HROB: variants seen among roughly 807,000 people sequenced by gnomAD.
HROB encodes the protein homologous recombination factor with OB-fold.
Under a neutral mutation model 61.0 loss-of-function variants are expected in HROB, and 44 were observed. That is an observed-to-expected ratio of 0.72 (90% CI 0.57 to 0.93). HROB has a LOEUF of 0.93. Among genes scored for constraint, HROB ranks in the 40% least tolerant of loss-of-function variants. HROB has a pLI of 0.00. For missense variants in HROB, 716 were observed against 796.2 expected (o/e 0.90, Z 1.21); for synonymous variants, 301 against 310.4 (o/e 0.97, Z 0.32).
At chr17:44,150,109 C>T (rs2053753165) in intron 3 of HROB, among the ~76,000 whole-genome samples, 2 of 152,176 alleles carry the variant, frequency 1.3e-5, no homozygotes, top group Admixed American at 6.6e-5. Flanking sequence ...GAAAAGGAGA[C>T]AGCCCTGGTG....
chr17:44,143,168 C>T (rs1448361515), intron 1 of HROB, among the ~76,000 whole-genome samples: 1 of 152,056 alleles, frequency 6.6e-6, no homozygotes, highest in Non-Finnish European at 1.5e-5. Context: ...GAACTCCTGG[C>T]CTCAGGTGGT....
chr17:44,153,962 C>T (rs191747940), intron 5 of HROB, among the ~76,000 whole-genome samples: 146 of 152,168 alleles, frequency 9.6e-4, no homozygotes, highest in African/African-American at 3.3e-3. Flanking sequence ...GCTGGAGCAT[C>T]GCTTGAACCC....
intron 9 of HROB, among the ~76,000 whole-genome samples, chr17:44,161,374 C>T (rs2144144948): frequency 6.6e-6 from 1 of 152,238 alleles, no homozygotes; most frequent in Non-Finnish European, 1.5e-5. Flanking sequence ...TGTCCAAGTT[C>T]TCGGACATAA....
chr17:44,160,393 C>T (rs1014694092), intron 9 of HROB, among the ~76,000 whole-genome samples: 3 of 151,988 alleles, frequency 2.0e-5, no homozygotes, highest in African/African-American at 7.2e-5. Context: ...TGGTGAAACC[C>T]CGTCTCTACT....
chr17:44,150,003 AG>A (rs1181513306), intron 3 of HROB, among the ~76,000 whole-genome samples: 5 of 152,178 alleles, frequency 3.3e-5, no homozygotes, highest in Non-Finnish European at 7.3e-5. Flanking sequence ...GTGGGAAAGC[AG>A]GGAAGAGCAT....
At chr17:44,145,096 A>C in intron 1 of HROB, 107 bp from the exon 2 acceptor site, 1 of 1,279,586 alleles carries the variant, frequency 7.8e-7, no homozygotes, top group Non-Finnish European at 1.1e-6. Flanking sequence ...AACAAACAAA[A>C]AACAATATAC....
chr17:44,150,445 A>G (rs2053765964), intron 3 of HROB, among the ~76,000 whole-genome samples: 1 of 149,666 alleles, frequency 6.7e-6, no homozygotes, highest in Non-Finnish European at 1.5e-5. Flanking sequence ...GCAGGAGTGC[A>G]GTGGCACAAT....
intron 9 of HROB, among the ~76,000 whole-genome samples, chr17:44,158,413 G>C (rs574287375): frequency 6.6e-6 from 1 of 152,208 alleles, no homozygotes; most frequent in Non-Finnish European, 1.5e-5. Flanking sequence ...GGTTGGGCCA[G>C]CTGCTTCCTC....
intron 2 of HROB, 86 bp downstream of exon 2, chr17:44,145,339 C>G: frequency 6.7e-7 from 1 of 1,492,336 alleles, no homozygotes; most frequent in Admixed American, 1.8e-5. Flanking sequence ...TTAGCCTGTA[C>G]CAGCCTCCTT....
chr17:44,150,180 C>T (rs1291645678), intron 3 of HROB, among the ~76,000 whole-genome samples: 1 of 152,160 alleles, frequency 6.6e-6, no homozygotes, highest in African/African-American at 2.4e-5. Flanking sequence ...AGGATCTGGA[C>T]TGGTTGTGAT....
chr17:44,151,568 C>G (rs1442532687), intron 4 of HROB, among the ~76,000 whole-genome samples: 1 of 152,166 alleles, frequency 6.6e-6, no homozygotes, highest in Non-Finnish European at 1.5e-5. Flanking sequence ...CAGTCCATTT[C>G]AGATCCAAAG....
chr17:44,150,437 A>G (rs1380350138), intron 3 of HROB, among the ~76,000 whole-genome samples: 3 of 149,802 alleles, frequency 2.0e-5, no homozygotes, highest in African/African-American at 7.4e-5. Context: ...TCGTCCAGGC[A>G]GGAGTGCAGT....
chr17:44,148,487 G>A lies in HROB; in HGVS notation c.684G>A (p.Glu228=). 4.3e-6 allele frequency: 7 copies of A among 1,614,136 alleles called. No homozygotes were observed. Among genetic ancestry groups the A allele is most frequent in the Non-Finnish European group, 5.1e-6 (6 of 1,180,016 alleles). ...CGGGTATCATGTCCGCCCAGGATGA[G>A]TCTCTAGATCCTGTCATCCAATGTA... is the stretch of plus-strand genomic sequence containing the variant. ...HKAGIMSAQD[E]SLDPVIQCRT... The change falls in exon 3 of 10, where the codon GAG becomes GAA. Residue 228 remains glutamate (E), a synonymous_variant. Transcript: ENST00000585683.
intron 3 of HROB, 39 bp downstream of exon 3, chr17:44,149,066 A>G (rs763525167): frequency 1.2e-5 from 19 of 1,569,050 alleles, no homozygotes; most frequent in Non-Finnish European, 1.6e-5. Flanking sequence ...TGGGCAAGGG[A>G]GAGAAGCAGG....
intron 5 of HROB, among the ~76,000 whole-genome samples, chr17:44,154,184 A>T (rs142219682): frequency 0.029 from 4,379 of 152,142 alleles, 109 homozygotes; most frequent in East Asian, 0.069. Flanking sequence ...TCTACTAAAA[A>T]TACAAAAATT....
At chr17:44,142,919 C>T (rs979340857) in intron 1 of HROB, among the ~76,000 whole-genome samples, 5 of 152,000 alleles carry the variant, frequency 3.3e-5, no homozygotes, top group South Asian at 2.1e-4. Context: ...AGCCAGGGGC[C>T]GTGGCTGACA....
intron 8 of HROB, 48 bp downstream of exon 8, chr17:44,155,459 C>T: frequency 6.2e-7 from 1 of 1,603,196 alleles, no homozygotes; most frequent in Non-Finnish European, 8.5e-7. Context: ...CCTCCTTCTG[C>T]CTGGATCTTC....
rs1361151135 is a variant in HROB, at chr17:44,148,047, C to T, written c.244C>T (p.Pro82Ser). The T allele has an allele frequency of 6.2e-7, 1 of 1,614,128 alleles. No homozygotes were observed. Among genetic ancestry groups the T allele is most frequent in the Non-Finnish European group, 8.5e-7 (1 of 1,180,044 alleles). The change falls in exon 3 of 10, where the codon CCT (proline) becomes TCT (serine). Residue 82 changes from proline to serine, a missense_variant. By Grantham distance (74) the Pro-to-Ser change is moderately conservative (BLOSUM62 -1). Coordinates refer to ENST00000585683, the MANE Select transcript of HROB (RefSeq NM_001171251.3). ...CCTGCCAGACTTGGACCTCTGCCTCCCTGCCTCCAGCACGCCCAGTGCTGA... is the reference window on the plus strand; with the variant it reads ...CCTGCCAGACTTGGACCTCTGCCTCTCTGCCTCCAGCACGCCCAGTGCTGA... ...LGLPDLDLCL[P>S]ASSTPSADSR...
At chr17:44,143,326 T>C (rs1245494157) in intron 1 of HROB, among the ~76,000 whole-genome samples, 1 of 151,642 alleles carries the variant, frequency 6.6e-6, no homozygotes, top group East Asian at 2.0e-4. Flanking sequence ...CTGGGCAATG[T>C]AGTGAGGCCC....
Sources: allele counts gnomAD v4.1 joint callset (sites outside exome capture counted in the v4.1 genomes callset), GRCh38; gene constraint gnomAD v4.1.1; transcripts MANE v1.5; gene names NCBI Gene and HGNC (gene_info 2026-07-23, HGNC 2026-07-21).